Variants in RYR2 observed in about 807,000 individuals in gnomAD.
RYR2 encodes cardiac muscle ryanodine receptor-calcium release channel.
A neutral mutation model predicts 601.1 loss-of-function variants in RYR2; 227 were observed. That is an observed-to-expected ratio of 0.38 (90% CI 0.34 to 0.42). RYR2 has a LOEUF of 0.42. Ranked by LOEUF, RYR2 falls within the 10% of genes least tolerant of loss-of-function variation. The pLI, the probability that RYR2 is intolerant of heterozygous loss-of-function variation, is 1.00. For missense variants in RYR2, 4,646 were observed against 6,156.5 expected (o/e 0.75, Z 8.21); for synonymous variants, 2,223 against 2,175.1 (o/e 1.02, Z -0.61).
intron 2 of RYR2, among the ~76,000 whole-genome samples, chr1:237,276,044 A>G (rs2149364964): frequency 6.6e-6 from 1 of 152,364 alleles, no homozygotes. Flanking sequence ...TGCATGGGAT[A>G]TAGCTAAAGA....
At chr1:237,074,493 G>A (rs1451990845) in intron 1 of RYR2, among the ~76,000 whole-genome samples, 1 of 152,164 alleles carries the variant, frequency 6.6e-6, no homozygotes, top group African/African-American at 2.4e-5. Context: ...GAGGCCTCAA[G>A]CAGGATTCAC....
intron 17 of RYR2, among the ~76,000 whole-genome samples, chr1:237,474,861 A>G (rs1252473971): frequency 6.6e-6 from 1 of 152,028 alleles, no homozygotes; most frequent in Non-Finnish European, 1.5e-5. Context: ...ATGGCATGGA[A>G]CTCATGTGCT....
At chr1:237,284,485 T>TATAATATAAAA (rs1691258258) in intron 2 of RYR2, among the ~76,000 whole-genome samples, 1 of 103,990 alleles carries the variant, frequency 9.6e-6, no homozygotes, top group African/African-American at 3.8e-5. Flanking sequence ...TACATATATA[T>TATAATATAAAA]AATATATAAA....
intron 1 of RYR2, among the ~76,000 whole-genome samples, chr1:237,088,351 A>G (rs547397395): frequency 6.6e-6 from 1 of 152,306 alleles, no homozygotes; most frequent in South Asian, 2.1e-4. Context: ...GATAGGATGC[A>G]AGGGCTTGGC....
intron 27 of RYR2, among the ~76,000 whole-genome samples, chr1:237,553,047 C>T (rs2805458): frequency 0.9 from 136,213 of 152,010 alleles, 61,992 homozygotes; most frequent in East Asian, 0.97. Context: ...TGCTTTTTCA[C>T]TTTCTTAATG....
At chr1:237,182,214 C>A (rs560175865) in intron 1 of RYR2, among the ~76,000 whole-genome samples, 1 of 151,996 alleles carries the variant, frequency 6.6e-6, no homozygotes, top group Non-Finnish European at 1.5e-5. Context: ...CTCCGCCTCC[C>A]GGGTTCAATC....
intron 55 of RYR2, among the ~76,000 whole-genome samples, chr1:237,660,479 A>G (rs1457704919): frequency 6.6e-6 from 1 of 152,128 alleles, no homozygotes; most frequent in Non-Finnish European, 1.5e-5. Context: ...AAATGAAGTG[A>G]AAAGGATTTC....
chr1:237,340,783 T>C (rs1367047699), intron 3 of RYR2, among the ~76,000 whole-genome samples: 1 of 152,212 alleles, frequency 6.6e-6, no homozygotes, highest in Non-Finnish European at 1.5e-5. Context: ...ATATAAATAT[T>C]TACCTACCTG....
At chr1:237,531,244 G>T (rs1668111318) in intron 25 of RYR2, among the ~76,000 whole-genome samples, 1 of 152,108 alleles carries the variant, frequency 6.6e-6, no homozygotes, top group Non-Finnish European at 1.5e-5. Flanking sequence ...GAAAATTGAG[G>T]TAGATAGATG....
intron 24 of RYR2, among the ~76,000 whole-genome samples, chr1:237,523,880 T>G (rs1156545263): frequency 1.6e-5 from 2 of 122,306 alleles, no homozygotes; most frequent in African/African-American, 5.8e-5. Flanking sequence ...TTACACACAA[T>G]AAAATGGCTA....
At chr1:237,544,662 T>C (rs931815448) in intron 25 of RYR2, among the ~76,000 whole-genome samples, 2 of 152,186 alleles carry the variant, frequency 1.3e-5, no homozygotes, top group African/African-American at 2.4e-5. Flanking sequence ...GTCCTCTGTG[T>C]ACCTAATTAA....
intron 12 of RYR2, among the ~76,000 whole-genome samples, chr1:237,427,984 C>G (rs778599847): frequency 6.6e-6 from 1 of 151,392 alleles, no homozygotes; most frequent in Non-Finnish European, 1.5e-5. Flanking sequence ...TTTATGTGGC[C>G]AAGAAACATG....
At position 237,135,360 on chromosome 1, in the gene RYR2, T is replaced by G. The variant is rs563296523; in HGVS notation, c.48+92791T>G. On this transcript the variant is annotated intron_variant, in intron 1 of 104. Coordinates refer to ENST00000366574, the MANE Select transcript of RYR2 (RefSeq NM_001035.3). The stretch of plus-strand genomic sequence containing the variant: ...ACACTGTCCAGCATCCCCTTGTTGG[T>G]TTTTTTTTTATTTTTCTTTTTTTTT... 4.5e-3 allele frequency among the ~76,000 whole-genome samples: 671 copies of G among 148,256 alleles called. 3 individuals carry two copies. The highest frequency in any genetic ancestry group is 7.7e-3 in the Non-Finnish European group (516 of 66,694).
intron 21 of RYR2, among the ~76,000 whole-genome samples, chr1:237,502,197 T>C (rs1195196584): frequency 6.6e-6 from 1 of 152,196 alleles, no homozygotes; most frequent in Non-Finnish European, 1.5e-5. Context: ...AAAATTTAAA[T>C]TTATTTTTGT....
intron 1 of RYR2, among the ~76,000 whole-genome samples, chr1:237,045,869 GTTTTTTTTTTTTTTTT>G (rs768636054): frequency 3.5e-5 from 2 of 56,922 alleles, no homozygotes; most frequent in African/African-American, 8.5e-5. Context: ...CTTGGTCAAG[GTTTTTTTTTTTTTTTT>G]TTTTTTTTTT....
At chr1:237,345,301 CTG>C (rs1558657762) in intron 3 of RYR2, among the ~76,000 whole-genome samples, 1 of 151,916 alleles carries the variant, frequency 6.6e-6, no homozygotes, top group Non-Finnish European at 1.5e-5. Context: ...CTGTATTCCT[CTG>C]TGTACCTGCC....
chr1:237,631,612 G>GTTTTTT (rs1328419143), intron 42 of RYR2, 71 bp downstream of exon 42: 1 of 198,728 alleles, frequency 5.0e-6, no homozygotes, highest in Non-Finnish European at 8.6e-6. Context: ...ATAGAATGCA[G>GTTTTTT]ATTTTTTTTT....
At chr1:237,344,452 T>C (rs1698119570) in intron 3 of RYR2, among the ~76,000 whole-genome samples, 1 of 152,198 alleles carries the variant, frequency 6.6e-6, no homozygotes, top group African/African-American at 2.4e-5. Context: ...TCCCTGAATA[T>C]GCTACACTTA....
intron 62 of RYR2, among the ~76,000 whole-genome samples, chr1:237,685,007 G>A (rs1686254973): frequency 6.6e-6 from 1 of 151,720 alleles, no homozygotes; most frequent in African/African-American, 2.4e-5. Context: ...ACAATGCCAA[G>A]TACTGTTGAC....
Sources: gnomAD v4.1 joint callset for allele counts (sites outside exome capture counted in the v4.1 genomes callset) on GRCh38, gnomAD v4.1.1 for gene constraint, MANE v1.5 for transcripts, NCBI Gene and HGNC (gene_info 2026-07-23, HGNC 2026-07-21) for gene names.